The following ST8SIA1 variants were observed in gnomAD, a reference collection of about 807,000 sequenced individuals.
ST8SIA1 encodes the protein ST8 alpha-N-acetyl-neuraminide alpha-2,8-sialyltransferase 1.
Under a neutral mutation model 35.9 loss-of-function variants are expected in ST8SIA1, and 16 were observed. The observed-to-expected ratio is 0.45, with a 90% confidence interval of 0.30 to 0.68. ST8SIA1 has a LOEUF of 0.68. ST8SIA1 is among the 30% of genes least tolerant of loss of function. The pLI is 0.09. For synonymous variants in ST8SIA1, 170 were observed against 169.6 expected (o/e 1.00, Z -0.02); for missense variants, 383 against 453.6 (o/e 0.84, Z 1.41).
intron 3 of ST8SIA1, among the ~76,000 whole-genome samples, chr12:22,253,103 G>A (rs932468827): frequency 6.6e-6 from 1 of 152,176 alleles, no homozygotes; most frequent in African/African-American, 2.4e-5. Flanking sequence ...AGTAAGAGTT[G>A]CCACAATGGG....
intron 2 of ST8SIA1, among the ~76,000 whole-genome samples, chr12:22,266,996 T>C (rs866895736): frequency 1.3e-5 from 2 of 152,196 alleles, no homozygotes; most frequent in South Asian, 2.1e-4. Context: ...TAGAAAACCA[T>C]GAATAAAATC....
At chr12:22,248,226 G>A (rs528097346) in intron 4 of ST8SIA1, among the ~76,000 whole-genome samples, 5 of 152,228 alleles carry the variant, frequency 3.3e-5, no homozygotes, top group South Asian at 2.1e-4. Flanking sequence ...GATGACAAGC[G>A]CCTGGGCCCA....
At chr12:22,244,252 T>C (rs1865573311) in intron 4 of ST8SIA1, among the ~76,000 whole-genome samples, 1 of 152,130 alleles carries the variant, frequency 6.6e-6, no homozygotes, top group African/African-American at 2.4e-5. Flanking sequence ...CTAACATACA[T>C]GTGCAGCCTA....
chr12:22,304,980 G>A (rs933354312), intron 1 of ST8SIA1, among the ~76,000 whole-genome samples: 5 of 152,198 alleles, frequency 3.3e-5, no homozygotes, highest in South Asian at 2.1e-4. Context: ...TTTTCACTAA[G>A]AGTTGTTTCC....
chr12:22,321,217 G>A (rs929054802), intron 1 of ST8SIA1, among the ~76,000 whole-genome samples: 2 of 152,192 alleles, frequency 1.3e-5, no homozygotes, highest in African/African-American at 4.8e-5. Context: ...GAGGCTGAGA[G>A]GGGTGGGAGA....
At chr12:22,285,359 C>A (rs1341648433) in intron 2 of ST8SIA1, among the ~76,000 whole-genome samples, 8 of 152,234 alleles carry the variant, frequency 5.3e-5, no homozygotes, top group Non-Finnish European at 7.4e-5. Flanking sequence ...TAGGAACCAC[C>A]CTTTGGCTCC....
chr12:22,208,848 C>A (rs1347849259), intron 4 of ST8SIA1, among the ~76,000 whole-genome samples: 1 of 151,970 alleles, frequency 6.6e-6, no homozygotes, highest in Non-Finnish European at 1.5e-5. Context: ...TTCCTTTATG[C>A]CAAAAGTAAT....
chr12:22,323,611 C>G (rs1866632854), intron 1 of ST8SIA1, among the ~76,000 whole-genome samples: 1 of 152,230 alleles, frequency 6.6e-6, no homozygotes, highest in East Asian at 1.9e-4. Flanking sequence ...AACCTAAATG[C>G]CCATCAATGA....
Position 22,334,161 on chromosome 12 carries a change from C to G in ST8SIA1, c.72G>C (p.Pro24=), listed in dbSNP as rs200072921. The change falls in exon 1 of 5, where the codon CCG becomes CCC. Residue 24 remains proline (P), a synonymous_variant. Transcript: ENST00000396037. The part of the protein sequence containing the change: ...GAMAVLAWKF[P]RTRLPMGASA... ...TGGCTCCCATGGGCAGCCGGGTCCG[C>G]GGGAACTTCCACGCCAGTACAGCCA... is the stretch of plus-strand genomic sequence containing the variant. The G allele has an allele frequency of 5.0e-6, 8 of 1,613,966 alleles. No individual in the cohort carries two copies. The highest frequency in any genetic ancestry group is 4.5e-5 in the East Asian group (2 of 44,866).
chr12:22,223,464 T>G (rs1270616724), intron 4 of ST8SIA1: 1 of 979,830 alleles, frequency 1.0e-6, no homozygotes, highest in Non-Finnish European at 1.2e-6. Context: ...TTCTCAGACT[T>G]CTTTATAGCC....
intron 4 of ST8SIA1, among the ~76,000 whole-genome samples, chr12:22,209,045 C>T (rs539906399): frequency 1.6e-4 from 24 of 152,094 alleles, no homozygotes; most frequent in Non-Finnish European, 3.1e-4. Flanking sequence ...CTTTAGGACA[C>T]AAAAGACAAT....
At chr12:22,323,321 C>G (rs952762838) in intron 1 of ST8SIA1, among the ~76,000 whole-genome samples, 4 of 152,176 alleles carry the variant, frequency 2.6e-5, no homozygotes, top group African/African-American at 9.7e-5. Context: ...AGAGGCAACA[C>G]CCCAAATCTG....
chr12:22,229,054 CAAAAAAAAAA>C (rs11463657), intron 4 of ST8SIA1, among the ~76,000 whole-genome samples: 1 of 101,948 alleles, frequency 9.8e-6, no homozygotes, highest in Non-Finnish European at 1.9e-5. Context: ...ACTCCATCTC[CAAAAAAAAAA>C]AAAAAAAAAG....
intron 4 of ST8SIA1, among the ~76,000 whole-genome samples, chr12:22,220,492 A>G (rs1278242100): frequency 6.6e-6 from 1 of 152,166 alleles, no homozygotes; most frequent in East Asian, 1.9e-4. Flanking sequence ...TTTCATATAC[A>G]CACCCCTAAT....
intron 3 of ST8SIA1, among the ~76,000 whole-genome samples, chr12:22,249,825 C>G (rs73081088): frequency 6.6e-6 from 1 of 152,122 alleles, no homozygotes; most frequent in Non-Finnish European, 1.5e-5. Flanking sequence ...AGTACCTCTG[C>G]ACACCCATAA....
intron 4 of ST8SIA1, among the ~76,000 whole-genome samples, chr12:22,211,992 T>C (rs1309035031): frequency 6.6e-6 from 1 of 152,220 alleles, no homozygotes; most frequent in African/African-American, 2.4e-5. Context: ...ATTACAGGCA[T>C]GAGCCACTGC....
intron 1 of ST8SIA1, among the ~76,000 whole-genome samples, chr12:22,305,787 C>A (rs1866377152): frequency 6.6e-6 from 1 of 152,056 alleles, no homozygotes; most frequent in South Asian, 2.1e-4. Context: ...AACTATAAAC[C>A]CAGCCCAAAA....
intron 1 of ST8SIA1, among the ~76,000 whole-genome samples, chr12:22,303,819 C>T (rs962824296): frequency 1.3e-5 from 2 of 149,240 alleles, no homozygotes; most frequent in African/African-American, 2.5e-5. Flanking sequence ...TGGCTAAATC[C>T]GCCCCGCCAC....
At chr12:22,299,191 A>G (rs1330153400) in intron 1 of ST8SIA1, among the ~76,000 whole-genome samples, 1 of 152,166 alleles carries the variant, frequency 6.6e-6, no homozygotes, top group African/African-American at 2.4e-5. Context: ...TCCAATAAAA[A>G]TATATTGTAG....
Sources: gnomAD v4.1 joint callset for allele counts (sites outside exome capture counted in the v4.1 genomes callset) on GRCh38, gnomAD v4.1.1 for gene constraint, MANE v1.5 for transcripts, NCBI Gene and HGNC (gene_info 2026-07-23, HGNC 2026-07-21) for gene names.